SLIT2: variants seen among roughly 807,000 people sequenced by gnomAD.
SLIT2 encodes slit homolog 2 protein.
SLIT2 carries 41 observed loss-of-function variants against 185.7 expected under a neutral mutation model. That is an observed-to-expected ratio of 0.22 (90% CI 0.17 to 0.29). The LOEUF is 0.29. Among genes scored for constraint, SLIT2 ranks in the 10% least tolerant of loss-of-function variants. The pLI, the probability that SLIT2 is intolerant of heterozygous loss-of-function variation, is 1.00. For synonymous variants in SLIT2, 693 were observed against 680.2 expected (o/e 1.02, Z -0.29); for missense variants, 1,571 against 1,909.0 (o/e 0.82, Z 3.30).
intron 9 of SLIT2, among the ~76,000 whole-genome samples, chr4:20,496,885 C>G (rs951334261): frequency 3.3e-5 from 5 of 152,098 alleles, no homozygotes; most frequent in African/African-American, 9.7e-5. Context: ...ACCAGAGGAA[C>G]AGCCTATTAT....
intron 33 of SLIT2, among the ~76,000 whole-genome samples, chr4:20,601,953 C>T (rs1422062340): frequency 6.6e-6 from 1 of 152,136 alleles, no homozygotes; most frequent in Non-Finnish European, 1.5e-5. Context: ...TTTTATACCT[C>T]AGGTGCATCA....
chr4:20,271,287 G>A (rs973764827), intron 4 of SLIT2, among the ~76,000 whole-genome samples: 2 of 150,460 alleles, frequency 1.3e-5, no homozygotes, highest in African/African-American at 4.9e-5. Flanking sequence ...ATAGGACAAG[G>A]AAAGTATTTG....
At chr4:20,346,326 G>T (rs1721409572) in intron 4 of SLIT2, among the ~76,000 whole-genome samples, 1 of 152,074 alleles carries the variant, frequency 6.6e-6, no homozygotes, top group Non-Finnish European at 1.5e-5. Flanking sequence ...AATAATTCTT[G>T]TATATGAGAA....
At chr4:20,498,852 T>C (rs1291257071) in intron 9 of SLIT2, among the ~76,000 whole-genome samples, 1 of 152,228 alleles carries the variant, frequency 6.6e-6, no homozygotes, top group Non-Finnish European at 1.5e-5. Context: ...ATGGCTTTGC[T>C]ATTGTGAATA....
intron 15 of SLIT2, 36 bp downstream of exon 15, chr4:20,525,208 A>G (rs1384328386): frequency 6.7e-7 from 1 of 1,502,260 alleles, no homozygotes; most frequent in East Asian, 2.3e-5. Flanking sequence ...AACTACAGAC[A>G]CCCTTTCCTC....
Position 20,412,241 on chromosome 4 carries a change from A to G in SLIT2, c.396-55511A>G, listed in dbSNP as rs115141194. ...GAATGCTCACGTTCTTGATTTTTCA[A>G]TGTTTTTATCAAGAACAAATTTGCT... On this transcript the variant is annotated intron_variant, in intron 4 of 36. Coordinates refer to ENST00000504154, the MANE Select transcript of SLIT2 (RefSeq NM_004787.4). Among the ~76,000 whole-genome samples, 376 of 152,088 alleles carry G rather than the reference A, an allele frequency of 2.5e-3. 2 individuals carry two copies. The highest frequency in any genetic ancestry group is 8.7e-3 in the African/African-American group (360 of 41,534).
intron 9 of SLIT2, among the ~76,000 whole-genome samples, chr4:20,504,874 A>G (rs1019529385): frequency 6.6e-6 from 1 of 152,066 alleles, no homozygotes; most frequent in Non-Finnish European, 1.5e-5. Context: ...AACATTTATT[A>G]TAGTATATTG....
chr4:20,389,439 G>T (rs978035983), intron 4 of SLIT2, among the ~76,000 whole-genome samples: 2 of 151,952 alleles, frequency 1.3e-5, no homozygotes, highest in African/African-American at 4.8e-5. Flanking sequence ...AGATAGAGTG[G>T]CTATCTCTTC....
chr4:20,313,715 G>A (rs1054819136), intron 4 of SLIT2, among the ~76,000 whole-genome samples: 1 of 152,058 alleles, frequency 6.6e-6, no homozygotes, highest in Non-Finnish European at 1.5e-5. Context: ...ACTGTTCTGC[G>A]CTAGATTCTC....
intron 4 of SLIT2, among the ~76,000 whole-genome samples, chr4:20,343,297 C>A (rs1460246460): frequency 6.6e-6 from 1 of 152,088 alleles, no homozygotes; most frequent in African/African-American, 2.4e-5. Context: ...TTTTAGCTCC[C>A]ACATATAAAT....
chr4:20,264,343 G>T (rs188447920), intron 3 of SLIT2, among the ~76,000 whole-genome samples: 1 of 151,842 alleles, frequency 6.6e-6, no homozygotes, highest in Non-Finnish European at 1.5e-5. Flanking sequence ...GGTTAGAAAT[G>T]GTAGGCTTTG....
chr4:20,340,698 T>C (rs1720891068), intron 4 of SLIT2, among the ~76,000 whole-genome samples: 1 of 152,140 alleles, frequency 6.6e-6, no homozygotes. Flanking sequence ...CCTTCCAGGT[T>C]CATGCCATTC....
At chr4:20,260,528 GATAAA>G (rs1205753787) in intron 3 of SLIT2, among the ~76,000 whole-genome samples, 1 of 151,650 alleles carries the variant, frequency 6.6e-6, no homozygotes, top group African/African-American at 2.4e-5. Flanking sequence ...ATTTTAAAAT[GATAAA>G]ATAATTCTAA....
In SLIT2 at chr4:20,442,465, A is replaced by G. The variant is rs1179809758; in HGVS notation, c.396-25287A>G. ...TGTGAGCCCAGGAGGCGGAGCTTGC[A>G]GTGAGCTGAGATCGCGCCACTGCGC... is the stretch of plus-strand genomic sequence containing the variant. On this transcript the variant is annotated intron_variant, in intron 4 of 36. Transcript: ENST00000504154. 2.8e-5 allele frequency among the ~76,000 whole-genome samples: 4 copies of G among 140,510 alleles called. No homozygotes were observed. The Admixed American group carries it at 2.9e-4, about 10-fold the overall frequency. The allele number at this position is 140,510 out of a possible 152,430, so 92.2% of individuals were successfully genotyped here.
chr4:20,290,108 C>T (rs1715653363), intron 4 of SLIT2, among the ~76,000 whole-genome samples: 1 of 152,140 alleles, frequency 6.6e-6, no homozygotes, highest in African/African-American at 2.4e-5. Context: ...CTCCCATATC[C>T]CTGCTTTACT....
chr4:20,376,687 G>A (rs1030226337), intron 4 of SLIT2, among the ~76,000 whole-genome samples: 9 of 152,028 alleles, frequency 5.9e-5, no homozygotes, highest in Non-Finnish European at 1.3e-4. Flanking sequence ...GTATTCCTGG[G>A]CAGCCATAAA....
intron 9 of SLIT2, among the ~76,000 whole-genome samples, chr4:20,506,814 C>T (rs1021902733): frequency 4.5e-4 from 68 of 152,020 alleles, no homozygotes; most frequent in African/African-American, 1.6e-3. Context: ...AGAATATTTT[C>T]CTGCTTGAGA....
At position 20,523,914 on chromosome 4, in the gene SLIT2, G is replaced by A. The variant is rs2292438; in HGVS notation, c.1274+11G>A. The stretch of plus-strand genomic sequence containing the variant: ...GGCCATTCAAACTATGTATGTATAA[G>A]TGATTTGGATCACTTTTGATGACAT... On this transcript the variant is annotated intron_variant, in intron 13 of 36. Coordinates refer to ENST00000504154, the MANE Select transcript of SLIT2 (RefSeq NM_004787.4). 19,148 of 1,613,866 alleles carry A rather than the reference G, an allele frequency of 0.012. 367 individuals carry two copies. The highest frequency in any genetic ancestry group is 0.089 in the East Asian group (3,984 of 44,856).
intron 12 of SLIT2, among the ~76,000 whole-genome samples, chr4:20,521,210 A>G (rs1227082146): frequency 6.6e-6 from 1 of 152,156 alleles, no homozygotes; most frequent in Non-Finnish European, 1.5e-5. Flanking sequence ...AAATATGGAG[A>G]TCTATATAGA....
Sources: allele counts gnomAD v4.1 joint callset (sites outside exome capture counted in the v4.1 genomes callset), GRCh38; gene constraint gnomAD v4.1.1; transcripts MANE v1.5; gene names NCBI Gene and HGNC (gene_info 2026-07-23, HGNC 2026-07-21).